CELSR2: variants seen among roughly 807,000 people sequenced by gnomAD.
CELSR2 encodes EGF-like protein 2.
In CELSR2, 81 loss-of-function variants were observed where a neutral mutation model predicts 251.6. The observed-to-expected ratio is 0.32, with a 90% CI of 0.27 to 0.39. The LOEUF (loss-of-function observed/expected upper bound fraction) is 0.39, where lower values mean the gene tolerates loss of function less well. CELSR2 is among the 10% of genes least tolerant of loss of function. The probability of loss-of-function intolerance (pLI) is 1.00; values close to 1 mark genes in which losing one functional copy is unlikely to be tolerated. For missense variants in CELSR2, 3,365 were observed against 3,947.7 expected (o/e 0.85, Z 3.96); for synonymous variants, 1,721 against 1,670.5 (o/e 1.03, Z -0.74).
rs753290065 is a variant in CELSR2, at chr1:109,261,843, G to A, written c.4333G>A (p.Gly1445Arg). 5.3e-5 allele frequency: 84 copies of A among 1,594,736 alleles called. 1 individual carries two copies. The highest frequency in any genetic ancestry group is 6.2e-5 in the Non-Finnish European group (73 of 1,169,162). The change falls in exon 5 of 34, where the codon GGA (glycine) becomes AGA (arginine). Residue 1445 changes from glycine to arginine, a missense_variant. Gly to Arg is a moderately radical substitution (Grantham distance 125). Around this residue, in one of 5 missense-constraint regions of CELSR2, gnomAD observed 2,093 missense variants for 2,382.8 expected, o/e 0.88. Transcript: ENST00000271332. The surrounding 1 kb of genome is among the most constrained non-coding windows in gnomAD (Gnocchi z 4.8). ...CACCACGGTGTCCCCATTCGTGCCC[G>A]GAGGAGTCAGTGATGGCCAGTGGCA... ...STTTVSPFVP[G>R]GVSDGQWHTV...
rs781380624 is a variant in CELSR2 at position 109,273,605 on chromosome 1, C to T, written c.8679C>T (p.Asn2893=). Residue 2893 remains asparagine, a synonymous_variant, in exon 33 of 34, where the codon AAC becomes AAT. Transcript: ENST00000271332. ...PPRQSLQEQL[N]GVMPIAMSIK... ...GGCAGAGCCTCCAGGAGCAGCTGAA[C>T]GGGGTCATGCCCATCGCCATGAGCA... is the stretch of plus-strand genomic sequence containing the variant. The T allele has an allele frequency of 2.7e-5, 40 of 1,494,704 alleles. No individual in the cohort carries two copies. The highest frequency in any genetic ancestry group is 3.3e-5 in the Non-Finnish European group (37 of 1,112,442). The allele number at this position is 1,494,704 out of a possible 1,614,324, so 92.6% of individuals were successfully genotyped here. A position where few individuals can be genotyped will look rare whatever the true frequency, so the allele number is the denominator to read the frequency against.
At chr1:109,262,182 T>A (rs963500858) in intron 5 of CELSR2, 105 bp from the exon 6 acceptor site, 1 of 1,468,324 alleles carries the variant, frequency 6.8e-7, no homozygotes, top group African/African-American at 1.4e-5. Context: ...TGTGTACGTG[T>A]GTCTGGGCAT....
Position 109,250,094 on chromosome 1 carries a change from C to T in CELSR2, c.15C>T (p.Ala5=), listed in dbSNP as rs1655635120. 2 of 1,523,438 alleles carry T rather than the reference C, an allele frequency of 1.3e-6. No homozygotes were observed. The highest frequency in any genetic ancestry group is 1.2e-5 in the South Asian group (1 of 83,118). 94.4% of individuals were successfully genotyped at this position (1,523,438 alleles called of 1,614,324 possible). The change falls in exon 1 of 34, where the codon GCC becomes GCT. Residue 5 remains alanine (A), a synonymous_variant. Coordinates refer to ENST00000271332, the MANE Select transcript of CELSR2 (RefSeq NM_001408.3). The surrounding 1 kb of genome is among the most constrained non-coding windows in gnomAD (Gnocchi z 4.4). ...AGCTGGGAGAGATGCGGAGCCCGGCCACCGGCGTCCCCCTCCCAACGCCGC... is the reference window on the plus strand; with the variant it reads ...AGCTGGGAGAGATGCGGAGCCCGGCTACCGGCGTCCCCCTCCCAACGCCGC... MRSP[A]TGVPLPTPPP...
rs899218960 is a variant in CELSR2, at chr1:109,269,233, A to G, written c.6755A>G (p.Tyr2252Cys). 13 of 1,612,844 alleles carry G rather than the reference A, an allele frequency of 8.1e-6. No homozygotes were observed. The highest frequency in any genetic ancestry group is 3.3e-5 in the Admixed American group (2 of 59,940). ...GAGGCTGTGGCCAGCGTCATCATCTACCGCACCCTGGCCGGGCTACTGCCT... is the reference window on the plus strand; with the variant it reads ...GAGGCTGTGGCCAGCGTCATCATCTGCCGCACCCTGGCCGGGCTACTGCCT... The part of the protein sequence containing the change: ...QGEAVASVII[Y>C]RTLAGLLPHN... The change falls in exon 20 of 34, where the codon TAC becomes TGC. Residue 2252 changes from tyrosine to cysteine, a missense_variant. By Grantham distance (194) the Tyr-to-Cys change is radical. Transcript: ENST00000271332. This position sits in a 1 kb window ranked among gnomAD's most constrained non-coding sequence, Gnocchi z 6.4.
chr1:109,255,106 C>G (rs1655806704), intron 1 of CELSR2, among the ~76,000 whole-genome samples: 1 of 152,122 alleles, frequency 6.6e-6, no homozygotes, highest in African/African-American at 2.4e-5. Flanking sequence ...TCCTCCTGGC[C>G]CGGCAGCTCT....
chr1:109,261,389 C>A lies in CELSR2; in HGVS notation c.4182-124C>A. On this transcript the variant is annotated intron_variant, in intron 3 of 33. Coordinates refer to ENST00000271332, the MANE Select transcript of CELSR2 (RefSeq NM_001408.3). The surrounding 1 kb of genome is among the most constrained non-coding windows in gnomAD (Gnocchi z 4.8). ...GAGCAGGCTGCCGGCAGAGCCAGGT[C>A]TGCTCTTGGAGTTGCCTGTGGTTCT... is the stretch of plus-strand genomic sequence containing the variant. 7.4e-7 allele frequency: 1 copy of A among 1,345,468 alleles called. No homozygotes were observed. The highest frequency in any genetic ancestry group is 1.1e-6 in the Non-Finnish European group (1 of 946,016). The allele number at this position is 1,345,468 out of a possible 1,614,324, so 83.3% of individuals were successfully genotyped here.
chr1:109,263,123 T>G lies in CELSR2; in HGVS notation c.4709-19T>G, dbSNP rs1309556372. 6.3e-7 allele frequency: 1 copy of G among 1,590,660 alleles called. No individual in the cohort carries two copies. ...GAGCCCCAGCTCAGGTCCACTGAGC[T>G]GCCTTCTCTCCATTCCAGGCTGCCC... On this transcript the variant is annotated intron_variant, in intron 7 of 33. Coordinates refer to ENST00000271332, the MANE Select transcript of CELSR2 (RefSeq NM_001408.3).
intron 14 of CELSR2, 62 bp from the exon 15 acceptor site, chr1:109,266,043 G>C: frequency 6.3e-7 from 1 of 1,598,024 alleles, no homozygotes; most frequent in Non-Finnish European, 8.5e-7. Flanking sequence ...GAGGGCTGGG[G>C]AGCCTGGGCA....
chr1:109,253,812 C>T (rs1655772357), intron 1 of CELSR2, among the ~76,000 whole-genome samples: 1 of 152,234 alleles, frequency 6.6e-6, no homozygotes. Flanking sequence ...CAAGATATTC[C>T]TGCAGTCTCA....
At position 109,253,298 on chromosome 1, in the gene CELSR2, C is replaced by G. The variant is rs746893169; in HGVS notation, c.3219C>G (p.Val1073=). Residue 1073 remains valine (V), a synonymous_variant, in exon 1 of 34, where the codon GTC becomes GTG. Transcript: ENST00000271332. ...AGCGGGGAAATGAACTCAGCCTGGTCCTGCTCAATGCCTCCACGGGTGAGC... is the reference window on the plus strand; with the variant it reads ...AGCGGGGAAATGAACTCAGCCTGGTGCTGCTCAATGCCTCCACGGGTGAGC... The part of the protein sequence containing the change: ...SFERGNELSL[V]LLNASTGELK... 6.2e-7 allele frequency: 1 copy of G among 1,613,456 alleles called. No individual in the cohort carries two copies. The highest frequency in any genetic ancestry group is 2.2e-5 in the East Asian group (1 of 44,888).
rs1354666675 is a variant in CELSR2, at chr1:109,251,490, A to C, written c.1411A>C (p.Thr471Pro). 1.9e-6 allele frequency: 3 copies of C among 1,613,540 alleles called. No homozygotes were observed. The highest frequency in any genetic ancestry group is 2.7e-5 in the African/African-American group (2 of 74,900). Residue 471 changes from threonine (T) to proline (P), a missense_variant, in exon 1 of 34, where the codon ACC (threonine) becomes CCC (proline). Coordinates refer to ENST00000271332, the MANE Select transcript of CELSR2 (RefSeq NM_001408.3). This position sits in a 1 kb window ranked among gnomAD's most constrained non-coding sequence, Gnocchi z 4.9. ...TGACTATGAGACGACCAAGGAGTAC[A>C]CCCTACGGGTGCGAGCACAGGATGG... ...PLDYETTKEY[T>P]LRVRAQDGGR...
chr1:109,264,644 A>T lies in CELSR2; in HGVS notation c.5464+16A>T. ...TGTGATCCAGGTATGCTAAGGATCC[A>T]GGGCAACGGGCAGGTTATCAGGTGC... On this transcript the variant is annotated intron_variant, in intron 11 of 33. Coordinates refer to ENST00000271332, the MANE Select transcript of CELSR2 (RefSeq NM_001408.3). 3.7e-6 allele frequency: 6 copies of T among 1,604,782 alleles called. No homozygotes were observed. The highest frequency in any genetic ancestry group is 5.1e-6 in the Non-Finnish European group (6 of 1,172,204).
rs1656328127 is a variant in CELSR2 at position 109,270,128 on chromosome 1, C to T, written c.7303C>T (p.Leu2435Phe). 2 of 1,613,734 alleles carry T rather than the reference C, an allele frequency of 1.2e-6. No homozygotes were observed. Among genetic ancestry groups the T allele is most frequent in the African/African-American group, 1.3e-5 (1 of 74,900 alleles). The change falls in exon 23 of 34, where the codon CTC (leucine) becomes TTC (phenylalanine). Residue 2435 changes from leucine to phenylalanine, a missense_variant. Around this residue, in one of 5 missense-constraint regions of CELSR2, gnomAD observed 2,093 missense variants for 2,382.8 expected, o/e 0.88. Transcript: ENST00000271332. Reference protein sequence around the residue: ...VFLLGINQADLPFACTVIAIL... With the variant: ...VFLLGINQADFPFACTVIAIL... ...CCTCCTGGGAATCAACCAGGCTGAC[C>T]TCCCTGTAAGATGCTCCTACTGCCC...
rs1655680499 is a variant in CELSR2, at chr1:109,251,285, G to A, written c.1206G>A (p.Lys402=). 6.2e-7 allele frequency: 1 copy of A among 1,614,162 alleles called. No individual in the cohort carries two copies. The highest frequency in any genetic ancestry group is 8.5e-7 in the Non-Finnish European group (1 of 1,180,036). ...DNDNAPQFSE[K]RYVVQVREDV... ...ATAATGCCCCCCAGTTTAGTGAGAA[G>A]CGCTATGTGGTCCAGGTGAGGGAGG... Residue 402 remains lysine (K), a synonymous_variant, in exon 1 of 34, where the codon AAG becomes AAA. Coordinates refer to ENST00000271332, the MANE Select transcript of CELSR2 (RefSeq NM_001408.3). This position sits in a 1 kb window ranked among gnomAD's most constrained non-coding sequence, Gnocchi z 4.9.
rs1457462098 is a variant in CELSR2 at position 109,269,867 on chromosome 1, GCA to G, written c.7107+49_7107+50del. The G allele has an allele frequency of 3.7e-6, 6 of 1,613,244 alleles. No individual in the cohort carries two copies. Among genetic ancestry groups the G allele is most frequent in the Non-Finnish European group, 5.1e-6 (6 of 1,179,620 alleles). ...GCAGAGCCGTGGGTGGGCACCCAGGGCACGGGGCTGGGTGCTCAGGTCCTGCC... is the reference window on the plus strand; with the variant it reads ...GCAGAGCCGTGGGTGGGCACCCAGGGCGGGGCTGGGTGCTCAGGTCCTGCC... On this transcript the variant is annotated intron_variant, in intron 22 of 33. Transcript: ENST00000271332. This position sits in a 1 kb window ranked among gnomAD's most constrained non-coding sequence, Gnocchi z 6.4.
intron 13 of CELSR2, among the ~76,000 whole-genome samples, chr1:109,265,524 G>T (rs989507820): frequency 6.6e-6 from 1 of 152,218 alleles, no homozygotes; most frequent in Non-Finnish European, 1.5e-5. Flanking sequence ...CTCTGGCCTG[G>T]TGTGGTGGTG....
At chr1:109,255,031 C>G (rs1174378334) in intron 1 of CELSR2, among the ~76,000 whole-genome samples, 1 of 152,218 alleles carries the variant, frequency 6.6e-6, no homozygotes, top group African/African-American at 2.4e-5. Context: ...GGTCTCCCAC[C>G]AGGGCAGAGC....
intron 23 of CELSR2, 36 bp from the exon 24 acceptor site, chr1:109,270,390 C>T (rs766077228): frequency 4.1e-5 from 66 of 1,608,922 alleles, no homozygotes; most frequent in African/African-American, 5.3e-5. Context: ...TCTGGGCGGG[C>T]CCCGGTCGCT....
At chr1:109,253,621 C>T (rs1432506904) in intron 1 of CELSR2, among the ~76,000 whole-genome samples, 1 of 152,232 alleles carries the variant, frequency 6.6e-6, no homozygotes, top group Non-Finnish European at 1.5e-5. Context: ...CGGTTGGCTG[C>T]CCCCACTGTC....
Sources: gnomAD v4.1 joint callset for allele counts (sites outside exome capture counted in the v4.1 genomes callset) on GRCh38, gnomAD v4.1.1 for gene constraint, gnomAD v4.1.1 regional missense constraint, Gnocchi (gnomAD v3.1) non-coding constraint, MANE v1.5 for transcripts, NCBI Gene and HGNC (gene_info 2026-07-23, HGNC 2026-07-21) for gene names.